NPIPB6: variants seen among roughly 807,000 people sequenced by gnomAD.
The protein encoded by NPIPB6 is nuclear pore complex interacting protein family member B6, also known as nuclear pore complex-interacting protein family member B6.
A neutral mutation model predicts 20.0 loss-of-function variants in NPIPB6; 2 were observed. The observed-to-expected ratio is 0.10, with a 90% CI of 0.04 to 0.31. NPIPB6 has a LOEUF of 0.31. Ranked by LOEUF, NPIPB6 falls within the 10% of genes least tolerant of loss-of-function variation. NPIPB6 has a pLI of 1.00. For missense variants in NPIPB6, 96 were observed against 293.7 expected (o/e 0.33, Z 4.92); for synonymous variants, 35 against 116.3 (o/e 0.30, Z 4.50).
chr16:28,360,482 C>T lies in NPIPB6; in HGVS notation c.120+2221G>A, dbSNP rs1483479645. Among the ~76,000 whole-genome samples, 5 of 127,132 alleles carry T rather than the reference C, an allele frequency of 3.9e-5. 1 individual carries two copies. Among genetic ancestry groups the T allele is most frequent in the South Asian group, 5.2e-4 (2 of 3,874 alleles). The allele number at this position is 127,132 out of a possible 152,430, so 83.4% of individuals were successfully genotyped here. ...TCATCATGCTGGTGATGATTTTGTG[C>T]GGCTCTGGGACAAACTCCACCTGGC... On this transcript the variant is annotated intron_variant, in intron 1 of 6. Coordinates refer to ENST00000532254, the Ensembl canonical transcript of NPIPB6.
At chr16:28,347,788 C>A in intron 4 of NPIPB6, among the ~76,000 whole-genome samples, 1 of 95,740 alleles carries the variant, frequency 1.0e-5, no homozygotes, top group Non-Finnish European at 2.4e-5. Flanking sequence ...CTAGCCTGGC[C>A]AACATGGTGA....
At chr16:28,359,111 C>T (rs894726934) in intron 1 of NPIPB6, among the ~76,000 whole-genome samples, 1 of 143,560 alleles carries the variant, frequency 7.0e-6, no homozygotes, top group African/African-American at 2.7e-5. Context: ...AAAAAAAAGC[C>T]CTAGATTTCG....
exon 1 of NPIPB6, chr16:28,362,778 A>C (rs1288159050): frequency 6.3e-7 from 1 of 1,592,620 alleles, no homozygotes; most frequent in Non-Finnish European, 8.5e-7. Context: ...GGCTCTGGTC[A>C]TGCGACAGGA....
At chr16:28,345,251 T>G (rs1287990825) in intron 4 of NPIPB6, among the ~76,000 whole-genome samples, 4 of 94,094 alleles carry the variant, frequency 4.3e-5, no homozygotes, top group African/African-American at 1.4e-4. Context: ...TGTTGCTGTA[T>G]TGATTCCTCC....
chr16:28,342,799 C>A (rs767885225), exon 7 of NPIPB6: 4 of 1,592,018 alleles, frequency 2.5e-6, no homozygotes, highest in East Asian at 4.7e-5. Flanking sequence ...CCACCCTCCA[C>A]CTCTTGGGTT....
downstream of NPIPB6, chr16:28,342,546 G>C (rs540917195): frequency 9.9e-7 from 1 of 1,014,908 alleles, no homozygotes; most frequent in Non-Finnish European, 1.5e-6. Context: ...TTTATTCTTC[G>C]TTAGTTTGTT....
exon 7 of NPIPB6, chr16:28,343,041 T>G (rs1227138774): frequency 6.9e-7 from 1 of 1,455,430 alleles, no homozygotes; most frequent in South Asian, 1.1e-5. Context: ...GTAGGTGTCT[T>G]GAGGCTCAGG....
At chr16:28,356,130 T>TAA (rs571401989) in intron 1 of NPIPB6, among the ~76,000 whole-genome samples, 1 of 30,092 alleles carries the variant, frequency 3.3e-5, no homozygotes, top group Non-Finnish European at 7.1e-5. Flanking sequence ...AGACTCTGTC[T>TAA]AAAAAAAAAA....
chr16:28,360,647 AG>A (rs1193032358), intron 1 of NPIPB6, among the ~76,000 whole-genome samples: 4 of 140,468 alleles, frequency 2.8e-5, no homozygotes, highest in Non-Finnish European at 6.6e-5. Context: ...CAAGTATTTC[AG>A]GTTCTCTCTT....
At chr16:28,359,939 C>G (rs1049240519) in intron 1 of NPIPB6, among the ~76,000 whole-genome samples, 2 of 150,648 alleles carry the variant, frequency 1.3e-5, no homozygotes, top group Non-Finnish European at 3.0e-5. Flanking sequence ...AGACGATGCC[C>G]TGTCCCTTGC....
rs2045209706 is a variant in NPIPB6, at chr16:28,350,663, C to G, written c.304-1422G>C. 1.9e-5 allele frequency among the ~76,000 whole-genome samples: 2 copies of G among 107,462 alleles called. 1 individual carries two copies. The highest frequency in any genetic ancestry group is 2.3e-4 in the Admixed American group (2 of 8,844). The allele number at this position is 107,462 out of a possible 152,430, so 70.5% of individuals were successfully genotyped here. On this transcript the variant is annotated intron_variant, in intron 2 of 6. Coordinates refer to ENST00000532254, the Ensembl canonical transcript of NPIPB6. ...TGTCCTGAGGTAGTCATTGAAATGA[C>G]TTTTTTCTTGAGATGGAGTGTCACT...
chr16:28,350,504 A>G lies in NPIPB6; in HGVS notation c.304-1263T>C, dbSNP rs992461013. On this transcript the variant is annotated intron_variant, in intron 2 of 6. Transcript: ENST00000532254. ...AACTTAACGCAAAACATTCTCACTA[A>G]TGACTGAATTCCCACCAAGATTTCC... is the stretch of plus-strand genomic sequence containing the variant. 4.0e-5 allele frequency among the ~76,000 whole-genome samples: 4 copies of G among 100,758 alleles called. 1 individual carries two copies. The East Asian group carries it at 9.6e-4, about 24-fold the overall frequency. 66.1% of individuals were successfully genotyped at this position (100,758 alleles called of 152,430 possible). A position where few individuals can be genotyped will look rare whatever the true frequency, so the allele number is the denominator to read the frequency against.
At chr16:28,361,726 C>G (rs368900015) in intron 1 of NPIPB6, among the ~76,000 whole-genome samples, 50 of 129,970 alleles carry the variant, frequency 3.8e-4, no homozygotes, top group African/African-American at 1.4e-3. Flanking sequence ...GTCTCTCTCT[C>G]TATATGTGTG....
At chr16:28,360,122 C>T (rs1261174759) in intron 1 of NPIPB6, among the ~76,000 whole-genome samples, 2 of 132,396 alleles carry the variant, frequency 1.5e-5, no homozygotes, top group African/African-American at 5.3e-5. Flanking sequence ...GGAAAATGCA[C>T]AGAATACATG....
intron 1 of NPIPB6, among the ~76,000 whole-genome samples, chr16:28,361,726 CTA>C (rs1195912836): frequency 9.1e-3 from 1,176 of 129,694 alleles, no homozygotes; most frequent in African/African-American, 0.03. Context: ...GTCTCTCTCT[CTA>C]TATGTGTGTG....
rs1299224054 is a variant in NPIPB6 at position 28,343,154 on chromosome 16, G to C, written c.731C>G (p.Ser244Ter). ...GAGGTAGGGCCAGTAGGGCAATCCT[G>C]AAGAATGACGATGCTCCGCTGCCAC... Residue 244 changes from serine (S) to a stop codon, truncating the protein, a stop_gained, in exon 7 of 7, where the codon TCA becomes TGA. Transcript: ENST00000532254. LOFTEE classifies it high-confidence loss of function. The C allele has an allele frequency of 6.3e-7, 1 of 1,575,240 alleles. No individual in the cohort carries two copies. Among genetic ancestry groups the C allele is most frequent in the African/African-American group, 1.3e-5 (1 of 74,172 alleles).
Sources: gnomAD v4.1 joint callset for allele counts (sites outside exome capture counted in the v4.1 genomes callset) on GRCh38, gnomAD v4.1.1 for gene constraint, MANE v1.5 for transcripts, NCBI Gene and HGNC (gene_info 2026-07-23, HGNC 2026-07-21) for gene names.